Variants in APC observed in about 807,000 individuals in gnomAD.
APC encodes APC regulator of Wnt signaling pathway.
APC carries 72 observed loss-of-function variants against 247.0 expected under a neutral mutation model. The ratio of observed to expected loss-of-function variants is 0.29; its 90% CI spans 0.24 to 0.35. The LOEUF (loss-of-function observed/expected upper bound fraction) is 0.35. APC is among the 10% of genes least tolerant of loss of function. The pLI is 1.00. For synonymous variants in APC, 1,254 were observed against 1,162.5 expected, an observed-to-expected ratio of 1.08 and a Z score of -1.60; for missense variants, 3,400 against 3,360.7, an observed-to-expected ratio of 1.01 and a Z score of -0.29.
chr5:112,804,827 C>T (rs1163261738), intron 8 of APC, among the ~76,000 whole-genome samples: 2 of 151,752 alleles, frequency 1.3e-5, no homozygotes, highest in Non-Finnish European at 2.9e-5. Flanking sequence ...GACTTTGCCT[C>T]TGCAAAAAAA....
At position 112,846,200 on chromosome 5, in the gene APC, T is replaced by C. The variant is rs917756633; in HGVS notation, c.*2074T>C. On this transcript the variant is annotated 3_prime_UTR_variant, in exon 16 of 16. Transcript: ENST00000257430. ...TGTCTATGAATACCATCTACTTCTG[T>C]TGTTTTCCCAGGCTTCCATAAACAA... The C allele has an allele frequency of 4.3e-6, 1 of 231,028 alleles. No homozygotes were observed. 14.3% of individuals were successfully genotyped at this position (231,028 alleles called of 1,614,324 possible).
At chr5:112,778,690 C>CGT in intron 5 of APC, among the ~76,000 whole-genome samples, 1 of 129,026 alleles carries the variant, frequency 7.8e-6, no homozygotes, top group Non-Finnish European at 1.7e-5. Flanking sequence ...GGGACTACAG[C>CGT]ATGCCACCAT....
chr5:112,774,939 C>T (rs76881115), intron 4 of APC, among the ~76,000 whole-genome samples: 8 of 152,076 alleles, frequency 5.3e-5, no homozygotes. Flanking sequence ...ACAGTGGTAG[C>T]TCTGGCAAAG....
At chr5:112,764,198 A>T (rs976641453) in intron 2 of APC, among the ~76,000 whole-genome samples, 1 of 148,354 alleles carries the variant, frequency 6.7e-6, no homozygotes, top group African/African-American at 2.5e-5. Flanking sequence ...GTGAGCCGAG[A>T]TTGCGCCACT....
chr5:112,736,502 C>T (rs1752393263), upstream of APC, among the ~76,000 whole-genome samples: 1 of 152,138 alleles, frequency 6.6e-6, no homozygotes, highest in Non-Finnish European at 1.5e-5. Context: ...GTGTCTATTG[C>T]TTTTCTAATA....
rs1763651960 is a variant in APC at position 112,826,303 on chromosome 5, T to G, written c.1409-805T>G. ...TATTTTGAATAGCCTCCACATGCAT[T>G]TTTCTCTTTTGTTCACTTCCTCACC... On this transcript the variant is annotated intron_variant, in intron 11 of 15. Transcript: ENST00000257430. Among the ~76,000 whole-genome samples the G allele has an allele frequency of 2.0e-5, 3 of 152,204 alleles. No homozygotes were observed. The South Asian group carries it at 6.2e-4, about 32-fold the overall frequency.
At chr5:112,819,798 A>G (rs1403346240) in intron 10 of APC, among the ~76,000 whole-genome samples, 3 of 152,178 alleles carry the variant, frequency 2.0e-5, no homozygotes, top group African/African-American at 4.8e-5. Context: ...TGCTCCTCAC[A>G]TCAACCTACT....
rs962365616 is a variant in APC at position 112,846,126 on chromosome 5, A to G, written c.*2000A>G. The stretch of plus-strand genomic sequence containing the variant: ...CACTTTGTAAACACTTCAATTTACT[A>G]TCTTTGAAATGATTGACCTTTAAAT... On this transcript the variant is annotated 3_prime_UTR_variant, in exon 16 of 16. Coordinates refer to ENST00000257430, the MANE Select transcript of APC (RefSeq NM_000038.6). 4.3e-6 allele frequency: 1 copy of G among 232,434 alleles called. No individual in the cohort carries two copies. The highest frequency in any genetic ancestry group is 2.2e-5 in the African/African-American group (1 of 45,448). 14.4% of individuals were successfully genotyped at this position (232,434 alleles called of 1,614,324 possible).
At position 112,841,634 on chromosome 5, in the gene APC, G is replaced by A. The variant is rs143313902; in HGVS notation, c.6040G>A (p.Val2014Ile). The A allele has an allele frequency of 1.2e-5, 19 of 1,613,474 alleles. No individual in the cohort carries two copies. In the East Asian group the frequency reaches 4.0e-4, roughly 34 times the overall value. Residue 2014 changes from valine (V) to isoleucine (I), a missense_variant, in exon 16 of 16, where the codon GTT becomes ATT. Coordinates refer to ENST00000257430, the MANE Select transcript of APC (RefSeq NM_000038.6). The surrounding 1 kb of genome is among the most constrained non-coding windows in gnomAD (Gnocchi z 4.6). ...ASGYAPKSFH[V>I]EDTPVCFSRN... is the part of the protein sequence containing the mutation. ...AGGCTATGCTCCTAAATCATTTCAT[G>A]TTGAAGATACCCCAGTTTGTTTCTC...
At position 112,725,918 on chromosome 5, in the gene APC, C is replaced by G. The variant is rs184157724; in HGVS notation, c.165+18036C>G. Among the ~76,000 whole-genome samples, 29 of 152,328 alleles carry G rather than the reference C, an allele frequency of 1.9e-4. No individual in the cohort carries two copies. The East Asian group carries it at 5.6e-3, about 29-fold the overall frequency. On this transcript the variant is annotated intron_variant, in intron 1 of 13. Coordinates refer to the APC transcript ENST00000507379. ...GTAGTATATGAGGTACAGACTGGTT[C>G]AGGATCAAGATCCTTATTAATAGCC...
intron 11 of APC, among the ~76,000 whole-genome samples, chr5:112,826,692 GTAGT>G (rs1380110791): frequency 1.4e-5 from 2 of 146,658 alleles, no homozygotes; most frequent in Non-Finnish European, 3.0e-5. Flanking sequence ...AAAAATTAAA[GTAGT>G]TAGGCCACAG....
In APC at chr5:112,844,167, A is replaced by G. The variant is rs780140350; in HGVS notation, c.*41A>G. ...AAACTAAGAAAATTCTATGTTAATTACAACTGCTATATAGACATTTTGTTT... is the reference window on the plus strand; with the variant it reads ...AAACTAAGAAAATTCTATGTTAATTGCAACTGCTATATAGACATTTTGTTT... On this transcript the variant is annotated 3_prime_UTR_variant, in exon 16 of 16. Transcript: ENST00000257430. 2.0e-6 allele frequency: 3 copies of G among 1,530,482 alleles called. No individual in the cohort carries two copies. The highest frequency in any genetic ancestry group is 2.7e-6 in the Non-Finnish European group (3 of 1,107,612). The allele number at this position is 1,530,482 out of a possible 1,614,324, so 94.8% of individuals were successfully genotyped here.
chr5:112,728,017 C>T (rs916174310), intron 1 of APC, among the ~76,000 whole-genome samples: 1 of 151,680 alleles, frequency 6.6e-6, no homozygotes, highest in Non-Finnish European at 1.5e-5. Flanking sequence ...GTCCAACCCA[C>T]AGCTTTGAAT....
intron 8 of APC, 140 bp from the exon 9 acceptor site, chr5:112,815,355 G>C (rs1017006002): frequency 3.2e-5 from 19 of 594,176 alleles, no homozygotes; most frequent in Admixed American, 2.3e-4. Context: ...AAAATATTTT[G>C]AACAGTTATA....
In APC at chr5:112,745,898, A is replaced by C. The variant is rs183676428; in HGVS notation, c.-19+7973A>C. 3.9e-5 allele frequency among the ~76,000 whole-genome samples: 6 copies of C among 152,338 alleles called. No homozygotes were observed. The East Asian group carries it at 7.7e-4, about 20-fold the overall frequency. On this transcript the variant is annotated intron_variant, in intron 1 of 15. Coordinates refer to ENST00000257430, the MANE Select transcript of APC (RefSeq NM_000038.6). ...AAAAATAACAAAGTAAACCAAAGGA[A>C]AATAAGAGGATATAATTAGTAAAGA...
In APC at chr5:112,844,288, G is replaced by A. The variant is rs1271634245; in HGVS notation, c.*162G>A. 3.0e-6 allele frequency: 2 copies of A among 660,952 alleles called. No individual in the cohort carries two copies. The highest frequency in any genetic ancestry group is 2.8e-5 in the East Asian group (1 of 35,794). The allele number at this position is 660,952 out of a possible 1,614,324, so 40.9% of individuals were successfully genotyped here. On this transcript the variant is annotated 3_prime_UTR_variant, in exon 16 of 16. Transcript: ENST00000257430. ...GAAGCCATATTTGATAGTATACTTT[G>A]TCTTCACTGGTCTTATTTTGGGAGG...
intron 2 of APC, among the ~76,000 whole-genome samples, chr5:112,756,948 G>A (rs1441203428): frequency 6.6e-6 from 1 of 152,102 alleles, no homozygotes; most frequent in African/African-American, 2.4e-5. Context: ...AATCTGAAAT[G>A]CTCCATTGAG....
At chr5:112,775,811 A>T in intron 5 of APC, 74 bp downstream of exon 5, 1 of 820,366 alleles carries the variant, frequency 1.2e-6, no homozygotes, top group Non-Finnish European at 2.0e-6. Context: ...GTAATCCATT[A>T]AAATTCAGGA....
intron 8 of APC, 43 bp from the exon 9 acceptor site, chr5:112,815,452 C>T (rs2149761844): frequency 7.1e-7 from 1 of 1,409,756 alleles, no homozygotes; most frequent in Non-Finnish European, 1.0e-6. Context: ...CTGTATTTAC[C>T]TATAGTCTAA....
Sources: gnomAD v4.1 joint callset for allele counts (sites outside exome capture counted in the v4.1 genomes callset) on GRCh38, gnomAD v4.1.1 for gene constraint, Gnocchi (gnomAD v3.1) non-coding constraint, MANE v1.5 for transcripts, NCBI Gene and HGNC (gene_info 2026-07-23, HGNC 2026-07-21) for gene names.